CEP112: variants seen among roughly 807,000 people sequenced by gnomAD.
CEP112 encodes the protein centrosomal protein of 112 kDa.
A neutral mutation model predicts 153.0 loss-of-function variants in CEP112; 127 were observed. The observed-to-expected ratio is 0.83, with a 90% CI of 0.72 to 0.96. The LOEUF (loss-of-function observed/expected upper bound fraction) is 0.96. Ranked by LOEUF, CEP112 falls within the 40% of genes least tolerant of loss-of-function variation. CEP112 has a pLI of 0.00. For synonymous variants in CEP112, 358 were observed against 374.4 expected (o/e 0.96, Z 0.51); for missense variants, 1,089 against 1,101.2 (o/e 0.99, Z 0.16).
At chr17:65,909,214 T>C (rs2060193547) in intron 19 of CEP112, among the ~76,000 whole-genome samples, 1 of 152,164 alleles carries the variant, frequency 6.6e-6, no homozygotes, top group African/African-American at 2.4e-5. Context: ...AATGATGGTA[T>C]AAAATACTAA....
intron 3 of CEP112, 154 bp downstream of exon 3, chr17:66,176,675 AG>A: frequency 2.1e-6 from 1 of 484,544 alleles, no homozygotes; most frequent in Non-Finnish European, 3.6e-6. Context: ...ATTTTATTAA[AG>A]GTGGAAAAAA....
intron 21 of CEP112, among the ~76,000 whole-genome samples, chr17:65,757,549 TAAA>T (rs2052360877): frequency 6.6e-6 from 1 of 152,190 alleles, no homozygotes; most frequent in South Asian, 2.1e-4. Flanking sequence ...ATGCTGAATT[TAAA>T]ATGAGGCCAG....
intron 8 of CEP112, among the ~76,000 whole-genome samples, chr17:66,078,878 T>C (rs1484706703): frequency 3.3e-5 from 5 of 152,182 alleles, no homozygotes; most frequent in South Asian, 2.1e-4. Flanking sequence ...GTCTTTCATA[T>C]ATGACGCTTA....
At chr17:65,909,253 A>T (rs149224880) in intron 19 of CEP112, among the ~76,000 whole-genome samples, 3,604 of 152,338 alleles carry the variant, frequency 0.024, 48 homozygotes, top group Admixed American at 0.036. Flanking sequence ...TAATCAAATT[A>T]CAAACTTTAT....
At chr17:65,838,454 A>G (rs898243421) in intron 21 of CEP112, among the ~76,000 whole-genome samples, 3 of 152,178 alleles carry the variant, frequency 2.0e-5, no homozygotes, top group African/African-American at 4.8e-5. Flanking sequence ...CTTGAGACAA[A>G]TGAAAATAAA....
At chr17:65,853,842 T>C (rs1463785965) in intron 20 of CEP112, among the ~76,000 whole-genome samples, 1 of 152,236 alleles carries the variant, frequency 6.6e-6, no homozygotes, top group South Asian at 2.1e-4. Flanking sequence ...TCACTTCTAA[T>C]TGCACTGTGG....
chr17:66,139,014 C>T (rs2070567576), intron 4 of CEP112, among the ~76,000 whole-genome samples: 1 of 151,308 alleles, frequency 6.6e-6, no homozygotes, highest in Non-Finnish European at 1.5e-5. Context: ...ACTGTAAAAG[C>T]TTATATTAAA....
chr17:66,094,913 AATC>A (rs1366247123), intron 8 of CEP112, among the ~76,000 whole-genome samples: 1 of 152,182 alleles, frequency 6.6e-6, no homozygotes, highest in African/African-American at 2.4e-5. Context: ...CAACAATCCT[AATC>A]ATCAGAGAAA....
chr17:66,049,834 A>C (rs992426463), intron 12 of CEP112, among the ~76,000 whole-genome samples: 1 of 152,216 alleles, frequency 6.6e-6, no homozygotes, highest in Admixed American at 6.5e-5. Flanking sequence ...ATCCCTAAGC[A>C]GGAGTAACTC....
intron 24 of CEP112, among the ~76,000 whole-genome samples, chr17:65,667,103 G>T (rs1455155088): frequency 6.6e-6 from 1 of 152,328 alleles, no homozygotes; most frequent in East Asian, 1.9e-4. Context: ...TCTCTGGGCT[G>T]TGGTGCTGGT....
At chr17:66,034,976 G>GTGTGTGTGTGTGTGTGTGTGTGTGTATA (rs1255011364) in intron 12 of CEP112, among the ~76,000 whole-genome samples, 1 of 13,434 alleles carries the variant, frequency 7.4e-5, no homozygotes, top group Non-Finnish European at 1.6e-4. Context: ...GTTTTTGCAT[G>GTGTGTGTGTGTGTGTGTGTGTGTGTATA]TATATATATA....
At chr17:65,770,436 A>C (rs1382714878) in intron 21 of CEP112, among the ~76,000 whole-genome samples, 1 of 152,102 alleles carries the variant, frequency 6.6e-6, no homozygotes. Context: ...TATTCAAAGA[A>C]AAATTGGAGA....
chr17:65,907,591 G>A (rs1436392151), intron 19 of CEP112, among the ~76,000 whole-genome samples: 2 of 152,144 alleles, frequency 1.3e-5, no homozygotes, highest in African/African-American at 2.4e-5. Flanking sequence ...GCCCTTTCTG[G>A]TCTTTTCCTA....
intron 19 of CEP112, among the ~76,000 whole-genome samples, chr17:65,921,606 A>G (rs2060730006): frequency 6.6e-6 from 1 of 152,180 alleles, no homozygotes; most frequent in African/African-American, 2.4e-5. Flanking sequence ...GAAAGAATAA[A>G]AACAGGTGAA....
intron 17 of CEP112, among the ~76,000 whole-genome samples, chr17:65,988,560 C>A (rs1299012188): frequency 1.3e-5 from 2 of 152,048 alleles, no homozygotes; most frequent in Non-Finnish European, 2.9e-5. Flanking sequence ...TCAGAGAAAT[C>A]TAACAAAGAA....
chr17:65,649,073 A>AACACACACACACACACAC (rs71158400), intron 24 of CEP112, among the ~76,000 whole-genome samples: 13 of 139,952 alleles, frequency 9.3e-5, no homozygotes, highest in Non-Finnish European at 1.8e-4. Flanking sequence ...CAAACAAACA[A>AACACACACACACACACAC]ACACACACAC....
intron 2 of CEP112, among the ~76,000 whole-genome samples, chr17:66,181,514 T>TG (rs2072719887): frequency 6.8e-6 from 1 of 147,676 alleles, no homozygotes; most frequent in Admixed American, 6.7e-5. Flanking sequence ...CCCATCTAAT[T>TG]TTGTGTGTGT....
chr17:65,737,134 T>C (rs1400507689), intron 23 of CEP112, among the ~76,000 whole-genome samples: 1 of 152,098 alleles, frequency 6.6e-6, no homozygotes, highest in Non-Finnish European at 1.5e-5. Flanking sequence ...AGATAGTAGA[T>C]TGAATGTTCC....
At chr17:65,840,444 T>C (rs2057474101) in intron 21 of CEP112, among the ~76,000 whole-genome samples, 1 of 152,072 alleles carries the variant, frequency 6.6e-6, no homozygotes, top group South Asian at 2.1e-4. Flanking sequence ...CAAAACTGGA[T>C]ACCCATATTT....
Sources: gnomAD v4.1 joint callset for allele counts (sites outside exome capture counted in the v4.1 genomes callset) on GRCh38, gnomAD v4.1.1 for gene constraint, MANE v1.5 for transcripts, NCBI Gene and HGNC (gene_info 2026-07-23, HGNC 2026-07-21) for gene names.